Variants in OSBPL3 observed in about 807,000 individuals in gnomAD.
OSBPL3 encodes the protein oxysterol binding protein like 3.
In OSBPL3, 65 loss-of-function variants were observed where a neutral mutation model predicts 120.1. The observed-to-expected ratio is 0.54, with a 90% CI of 0.44 to 0.67. The LOEUF is 0.67. Ranked by LOEUF, OSBPL3 falls within the 30% of genes least tolerant of loss-of-function variation. The pLI, the probability that OSBPL3 is intolerant of heterozygous loss-of-function variation, is 0.00. For missense variants in OSBPL3, 1,004 were observed against 1,082.1 expected (o/e 0.93, Z 1.01); for synonymous variants, 416 against 402.6 (o/e 1.03, Z -0.40).
upstream of OSBPL3, chr7:24,980,302 T>C (rs731049): frequency 0.69 from 104,556 of 151,674 alleles, 36,253 homozygotes; most frequent in South Asian, 0.78. Context: ...ATGCACAATC[T>C]CACCAATCAG....
rs1053857433 is a variant in OSBPL3 at position 24,964,191 on chromosome 7, C to T, written c.-150+15695G>A. The stretch of plus-strand genomic sequence containing the variant: ...ATGTCAAATAATTTATGTAGCTACA[C>T]CACCCTCAAGGAAGTGCAGTGTAAC... On this transcript the variant is annotated intron_variant, in intron 1 of 22. Coordinates refer to ENST00000313367, the MANE Select transcript of OSBPL3 (RefSeq NM_015550.4). The surrounding 1 kb of genome is among the most constrained non-coding windows in gnomAD (Gnocchi z 4.2). 6.6e-6 allele frequency among the ~76,000 whole-genome samples: 1 copy of T among 152,126 alleles called. No homozygotes were observed. The highest frequency in any genetic ancestry group is 2.4e-5 in the African/African-American group (1 of 41,414).
At chr7:24,876,577 T>C (rs1173235791) in intron 2 of OSBPL3, among the ~76,000 whole-genome samples, 1 of 152,172 alleles carries the variant, frequency 6.6e-6, no homozygotes, top group African/African-American at 2.4e-5. Flanking sequence ...GGTTTATTCA[T>C]TGTTGGGGTC....
chr7:24,903,393 C>G (rs962506603), intron 1 of OSBPL3, among the ~76,000 whole-genome samples: 1 of 152,256 alleles, frequency 6.6e-6, no homozygotes, highest in Non-Finnish European at 1.5e-5. Flanking sequence ...TTGCTTACTA[C>G]TAGCCTTTTG....
intron 18 of OSBPL3, among the ~76,000 whole-genome samples, chr7:24,816,204 T>G (rs115203902): frequency 1.2e-3 from 182 of 152,230 alleles, no homozygotes; most frequent in African/African-American, 4.3e-3. Flanking sequence ...ATTTTTGTAT[T>G]TTTTCTAGAG....
rs535931348 is a variant in OSBPL3, at chr7:24,938,865, G to GA, written c.-150+41020dup. Among the ~76,000 whole-genome samples, 22 of 114,252 alleles carry GA rather than the reference G, an allele frequency of 1.9e-4. No homozygotes were observed. Among genetic ancestry groups the GA allele is most frequent in the South Asian group, 2.8e-4 (1 of 3,634 alleles). The allele number at this position is 114,252 out of a possible 152,430, so 75.0% of individuals were successfully genotyped here. A position where few individuals can be genotyped will look rare whatever the true frequency, so the allele number is the denominator to read the frequency against. ...GAGCAAAACTAATGTGGCCAAGAAA[G>GA]AAAAAAAAAAAAGATTGTTATTAAG... is the stretch of plus-strand genomic sequence containing the variant. On this transcript the variant is annotated intron_variant, in intron 1 of 22. Coordinates refer to ENST00000313367, the MANE Select transcript of OSBPL3 (RefSeq NM_015550.4). The surrounding 1 kb of genome is among the most constrained non-coding windows in gnomAD (Gnocchi z 5.8).
chr7:24,837,377 T>C (rs1797136438), intron 14 of OSBPL3, among the ~76,000 whole-genome samples: 1 of 152,160 alleles, frequency 6.6e-6, no homozygotes, highest in East Asian at 1.9e-4. Context: ...CTAGTTTTTG[T>C]ATCTTTTTTA....
At chr7:24,847,059 CAAAAA>C (rs10712873) in intron 12 of OSBPL3, among the ~76,000 whole-genome samples, 6 of 106,242 alleles carry the variant, frequency 5.6e-5, no homozygotes, top group East Asian at 2.5e-4. Context: ...GACTCTGTCT[CAAAAA>C]AAAAAAAAAA....
intron 11 of OSBPL3, among the ~76,000 whole-genome samples, chr7:24,850,948 A>C (rs1408669725): frequency 6.6e-6 from 1 of 152,250 alleles, no homozygotes; most frequent in African/African-American, 2.4e-5. Context: ...TGAAGTTTCC[A>C]AAATCGTGAA....
rs367964191 is a variant in OSBPL3, at chr7:24,901,580, T to A, written c.-149-8959A>T. Among the ~76,000 whole-genome samples, 16 of 152,342 alleles carry A rather than the reference T, an allele frequency of 1.1e-4. 1 individual carries two copies. Among genetic ancestry groups the A allele is most frequent in the Admixed American group, 4.6e-4 (7 of 15,306 alleles). ...GTACTGTCCAGACTTTATCATTCAGTGGCTCACACTCTGAGTGCATACTGA... is the reference window on the plus strand; with the variant it reads ...GTACTGTCCAGACTTTATCATTCAGAGGCTCACACTCTGAGTGCATACTGA... On this transcript the variant is annotated intron_variant, in intron 1 of 22. Transcript: ENST00000313367.
chr7:24,843,377 G>A (rs896974011), intron 12 of OSBPL3, among the ~76,000 whole-genome samples: 2 of 152,198 alleles, frequency 1.3e-5, no homozygotes, highest in African/African-American at 4.8e-5. Context: ...TTCAATCAGA[G>A]TAGACAGGTA....
chr7:24,808,222 C>CG lies in OSBPL3; in HGVS notation c.2318-1321_2318-1320insC. 6.6e-6 allele frequency among the ~76,000 whole-genome samples: 1 copy of CG among 152,210 alleles called. No homozygotes were observed. The highest frequency in any genetic ancestry group is 1.5e-5 in the Non-Finnish European group (1 of 67,994). On this transcript the variant is annotated intron_variant, in intron 20 of 22. Transcript: ENST00000313367. This position sits in a 1 kb window ranked among gnomAD's most constrained non-coding sequence, Gnocchi z 4.6. ...GACTGGGACCCATTTTTTGAATCTT[C>CG]ATAAGTCCTCCTTGTAACTAGTCTA... is the stretch of plus-strand genomic sequence containing the variant.
chr7:24,907,324 T>C (rs1021964288), intron 1 of OSBPL3, among the ~76,000 whole-genome samples: 2 of 152,196 alleles, frequency 1.3e-5, no homozygotes, highest in Non-Finnish European at 2.9e-5. Context: ...CTCCACTACA[T>C]AGTTGCATTT....
At position 24,817,817 on chromosome 7, in the gene OSBPL3, G is replaced by C. The variant is rs1383026112; in HGVS notation, c.1949-1129C>G. 6.6e-6 allele frequency among the ~76,000 whole-genome samples: 1 copy of C among 152,196 alleles called. No individual in the cohort carries two copies. Among genetic ancestry groups the C allele is most frequent in the Non-Finnish European group, 1.5e-5 (1 of 68,038 alleles). Reference sequence around the variant, plus strand: ...GAAGAAATAGGCACTAGGTCAACTAGGTGACAAGTTAGATACAGACTGAAA... The same window carrying C: ...GAAGAAATAGGCACTAGGTCAACTACGTGACAAGTTAGATACAGACTGAAA... On this transcript the variant is annotated intron_variant, in intron 17 of 22. Transcript: ENST00000313367. The surrounding 1 kb of genome is among the most constrained non-coding windows in gnomAD (Gnocchi z 4.0).
At chr7:24,840,236 C>G (rs1202946881) in intron 14 of OSBPL3, among the ~76,000 whole-genome samples, 1 of 152,024 alleles carries the variant, frequency 6.6e-6, no homozygotes, top group Admixed American at 6.6e-5. Flanking sequence ...ACACAGCTCA[C>G]CCTTGAACAA....
intron 1 of OSBPL3, among the ~76,000 whole-genome samples, chr7:24,924,494 G>T (rs1810795564): frequency 1.3e-5 from 2 of 152,192 alleles, no homozygotes; most frequent in Non-Finnish European, 2.9e-5. Flanking sequence ...ACCCAGTACG[G>T]ATTCCTACAC....
At chr7:24,927,337 A>G (rs1811184185) in intron 1 of OSBPL3, among the ~76,000 whole-genome samples, 1 of 152,208 alleles carries the variant, frequency 6.6e-6, no homozygotes, top group Non-Finnish European at 1.5e-5. Context: ...ACCAACTGTG[A>G]TGCCAACGTT....
rs1805527899 is a variant in OSBPL3, at chr7:24,892,539, G to A, written c.-67C>T. ...CAGATGACAAGGGAGCCGAGAGTAT[G>A]GAAGTCCCCAGTGGCAGGTGGTTTA... is the stretch of plus-strand genomic sequence containing the variant. On this transcript the variant is annotated 5_prime_UTR_variant, in exon 2 of 23. Coordinates refer to ENST00000313367, the MANE Select transcript of OSBPL3 (RefSeq NM_015550.4). The A allele has an allele frequency of 1.4e-5, 22 of 1,570,444 alleles. No individual in the cohort carries two copies. The highest frequency in any genetic ancestry group is 1.7e-4 in the Middle Eastern group (1 of 5,960).
Position 24,833,613 on chromosome 7 carries a change from T to C in OSBPL3, c.1746+873A>G, listed in dbSNP as rs571042251. On this transcript the variant is annotated intron_variant, in intron 15 of 22. Transcript: ENST00000313367. The surrounding 1 kb of genome is among the most constrained non-coding windows in gnomAD (Gnocchi z 4.4). Reference sequence around the variant, plus strand: ...GGCACTCCAATTCCAATGTAGCCAATTGGCAAATGCCCAGGAGAGAGACTC... The same window carrying C: ...GGCACTCCAATTCCAATGTAGCCAACTGGCAAATGCCCAGGAGAGAGACTC... Among the ~76,000 whole-genome samples, 15 of 152,308 alleles carry C rather than the reference T, an allele frequency of 9.8e-5. No individual in the cohort carries two copies. Among genetic ancestry groups the C allele is most frequent in the African/African-American group, 3.1e-4 (13 of 41,570 alleles).
At chr7:24,901,710 C>T (rs1275064839) in intron 1 of OSBPL3, among the ~76,000 whole-genome samples, 5 of 152,184 alleles carry the variant, frequency 3.3e-5, no homozygotes, top group Non-Finnish European at 7.3e-5. Context: ...TAAACCTCCA[C>T]AGGTATTTCT....
Sources: allele counts gnomAD v4.1 joint callset (sites outside exome capture counted in the v4.1 genomes callset), GRCh38; gene constraint gnomAD v4.1.1; non-coding constraint Gnocchi (gnomAD v3.1); transcripts MANE v1.5; gene names NCBI Gene and HGNC (gene_info 2026-07-23, HGNC 2026-07-21).